Variants in CACNA1A observed in about 807,000 individuals in gnomAD.
CACNA1A encodes voltage-dependent P/Q-type calcium channel subunit alpha-1A.
Under a neutral mutation model 262.4 loss-of-function variants are expected in CACNA1A, and 57 were observed. The ratio of observed to expected loss-of-function variants is 0.22; its 90% CI spans 0.18 to 0.27. The LOEUF (loss-of-function observed/expected upper bound fraction) is 0.27. Among genes scored for constraint, CACNA1A ranks in the 10% least tolerant of loss-of-function variants. CACNA1A has a pLI of 1.00. For missense variants in CACNA1A, 2,526 were observed against 3,562.8 expected, an observed-to-expected ratio of 0.71 and a Z score of 7.41; for synonymous variants, 1,431 against 1,419.3, an observed-to-expected ratio of 1.01 and a Z score of -0.18.
chr19:13,234,350 C>CAAAAA (rs71168693), intron 34 of CACNA1A, among the ~76,000 whole-genome samples: 30 of 71,222 alleles, frequency 4.2e-4, no homozygotes, highest in Admixed American at 6.4e-4. Flanking sequence ...ACTCCATCTC[C>CAAAAA]AAAAAAAAAA....
chr19:13,325,124 A>C (rs1280159321), intron 10 of CACNA1A, among the ~76,000 whole-genome samples: 3,647 of 88,110 alleles, frequency 0.041, 8 homozygotes, highest in Middle Eastern at 0.086. Flanking sequence ...TCCCCTTCCC[A>C]TTCCTCCTCC....
chr19:13,221,583 T>C (rs1446848154), intron 38 of CACNA1A, among the ~76,000 whole-genome samples: 1 of 151,988 alleles, frequency 6.6e-6, no homozygotes, highest in Non-Finnish European at 1.5e-5. Flanking sequence ...CTTAATCAGC[T>C]GCCAAATCAC....
At chr19:13,387,473 T>C (rs139386291) in intron 3 of CACNA1A, among the ~76,000 whole-genome samples, 141 of 152,282 alleles carry the variant, frequency 9.3e-4, no homozygotes, top group Non-Finnish European at 1.8e-3. Flanking sequence ...AGCTAACATG[T>C]GGTGCCTGCG....
At chr19:13,381,031 C>T (rs1302745471) in intron 3 of CACNA1A, among the ~76,000 whole-genome samples, 2 of 152,066 alleles carry the variant, frequency 1.3e-5, no homozygotes, top group African/African-American at 4.8e-5. Context: ...CTGCTTTGGC[C>T]TCCCAAAGTG....
rs117819113 is a variant in CACNA1A, at chr19:13,426,934, G to A, written c.539+25942C>T. Among the ~76,000 whole-genome samples, 78 of 152,296 alleles carry A rather than the reference G, an allele frequency of 5.1e-4. No individual in the cohort carries two copies. The East Asian group carries it at 0.013, about 26-fold the overall frequency. ...ATTTTCTTTGGCAAAATATTTTAGG[G>A]AAAATAGAATTTGTCTAAAAATGCC... On this transcript the variant is annotated intron_variant, in intron 3 of 46. Transcript: ENST00000360228.
At position 13,214,646 on chromosome 19, in the gene CACNA1A, T is replaced by G; in HGVS notation, c.5732-38A>C. ...TGTAGACAGACCCTGACTGCCTGCC[T>G]GGGTGTCAGCTGGACTCTGGGTCAG... On this transcript the variant is annotated intron_variant, in intron 38 of 46. Coordinates refer to ENST00000360228, the MANE Select transcript of CACNA1A (RefSeq NM_001127222.2). The surrounding 1 kb of genome is among the most constrained non-coding windows in gnomAD (Gnocchi z 4.1). 2.7e-6 allele frequency: 4 copies of G among 1,499,208 alleles called. No individual in the cohort carries two copies. The highest frequency in any genetic ancestry group is 3.7e-6 in the Non-Finnish European group (4 of 1,081,278). 92.9% of individuals were successfully genotyped at this position (1,499,208 alleles called of 1,614,324 possible). A position where few individuals can be genotyped will look rare whatever the true frequency, so the allele number is the denominator to read the frequency against.
intron 31 of CACNA1A, among the ~76,000 whole-genome samples, chr19:13,237,530 G>A (rs566199494): frequency 6.6e-6 from 1 of 152,188 alleles, no homozygotes. Flanking sequence ...TTTGGCCTGG[G>A]AGCTGAGAGG....
intron 3 of CACNA1A, among the ~76,000 whole-genome samples, chr19:13,403,065 C>T (rs2059937829): frequency 6.6e-6 from 1 of 151,406 alleles, no homozygotes; most frequent in African/African-American, 2.4e-5. Flanking sequence ...CAGAAAGTGG[C>T]AGGGCCAGGA....
intron 1 of CACNA1A, among the ~76,000 whole-genome samples, chr19:13,471,116 C>T (rs2061340109): frequency 6.6e-6 from 1 of 152,150 alleles, no homozygotes; most frequent in African/African-American, 2.4e-5. Context: ...ACATGACTTT[C>T]TCCCCTGTAC....
intron 12 of CACNA1A, among the ~76,000 whole-genome samples, chr19:13,312,226 C>T (rs1448133363): frequency 1.3e-5 from 2 of 152,146 alleles, no homozygotes; most frequent in Non-Finnish European, 2.9e-5. Context: ...TAACAAAGGA[C>T]CATAATGGCT....
At chr19:13,316,508 G>C (rs1252531166) in intron 11 of CACNA1A, 1 of 148,292 alleles carries the variant, frequency 6.7e-6, no homozygotes, top group Non-Finnish European at 1.5e-5. Flanking sequence ...AAGCCAAAAA[G>C]GGCAGGGGAG....
rs1216092532 is a variant in CACNA1A, at chr19:13,214,389, C to G, written c.5840-56G>C. 1.9e-6 allele frequency: 3 copies of G among 1,580,142 alleles called. No homozygotes were observed. In the Admixed American group the frequency reaches 5.1e-5, roughly 27 times the overall value. On this transcript the variant is annotated intron_variant, in intron 39 of 46. Transcript: ENST00000360228. This position sits in a 1 kb window ranked among gnomAD's most constrained non-coding sequence, Gnocchi z 4.1. ...GGGCAGGCCTCTTTGGGGCCCTTGT[C>G]CTGGGTCCCTGTGTATACCAGCCCA...
intron 3 of CACNA1A, among the ~76,000 whole-genome samples, chr19:13,381,541 G>C (rs2059523573): frequency 6.6e-6 from 1 of 152,180 alleles, no homozygotes; most frequent in South Asian, 2.1e-4. Flanking sequence ...CAGAGAAATA[G>C]ACATTTGAAT....
chr19:13,464,765 G>C lies in CACNA1A; in HGVS notation c.294-9553C>G, dbSNP rs60117769. On this transcript the variant is annotated intron_variant, in intron 1 of 46. Coordinates refer to ENST00000360228, the MANE Select transcript of CACNA1A (RefSeq NM_001127222.2). ...GGGTTTCACCGTGTTAGCCAGGGTG[G>C]TCTCGATCTCCTGACCTTGTGATCT... Among the ~76,000 whole-genome samples the C allele has an allele frequency of 7.7e-3, 1,169 of 151,584 alleles. 24 individuals carry two copies. The highest frequency in any genetic ancestry group is 0.026 in the African/African-American group (1,061 of 41,320).
intron 3 of CACNA1A, among the ~76,000 whole-genome samples, chr19:13,397,179 C>T (rs979322694): frequency 3.3e-5 from 5 of 152,062 alleles, no homozygotes; most frequent in Non-Finnish European, 7.4e-5. Context: ...ACCTTGAAGT[C>T]CCCCCAGTTT....
chr19:13,416,734 G>T (rs995539558), intron 3 of CACNA1A, among the ~76,000 whole-genome samples: 1 of 152,148 alleles, frequency 6.6e-6, no homozygotes, highest in African/African-American at 2.4e-5. Flanking sequence ...AGAATCACTT[G>T]AATCCAGGAG....
At chr19:13,413,321 T>C (rs1214324006) in intron 3 of CACNA1A, among the ~76,000 whole-genome samples, 3 of 151,188 alleles carry the variant, frequency 2.0e-5, no homozygotes, top group Admixed American at 6.6e-5. Flanking sequence ...TTAGCCAGGA[T>C]GGTCTCAATC....
chr19:13,437,141 G>C (rs925580689), intron 3 of CACNA1A, among the ~76,000 whole-genome samples: 3 of 152,220 alleles, frequency 2.0e-5, no homozygotes, highest in African/African-American at 7.2e-5. Context: ...GAGAAGGCTG[G>C]TGTCCCTTTC....
At position 13,300,628 on chromosome 19, in the gene CACNA1A, T is replaced by A. The variant is rs1264406379; in HGVS notation, c.2201A>T (p.Asn734Ile). The A allele has an allele frequency of 6.2e-7, 1 of 1,613,972 alleles. No individual in the cohort carries two copies. Among genetic ancestry groups the A allele is most frequent in the South Asian group, 1.1e-5 (1 of 91,082 alleles). The change falls in exon 18 of 47, where the codon AAC (asparagine) becomes ATC (isoleucine). Residue 734 changes from asparagine to isoleucine, a missense_variant. Transcript: ENST00000360228. The stretch of plus-strand genomic sequence containing the variant: ...GGCTTTCTGTAGGGCAAGTTTCTGG[T>A]TCGCTGCTTCTTCTTCCTCTTGCTC... ...KDEQEEEEAA[N>I]QKLALQKAKE...
Sources: gnomAD v4.1 joint callset for allele counts (sites outside exome capture counted in the v4.1 genomes callset) on GRCh38, gnomAD v4.1.1 for gene constraint, Gnocchi (gnomAD v3.1) non-coding constraint, MANE v1.5 for transcripts, NCBI Gene and HGNC (gene_info 2026-07-23, HGNC 2026-07-21) for gene names.